TFEC: variants seen among roughly 807,000 people sequenced by gnomAD.
TFEC encodes class E basic helix-loop-helix protein 34.
Under a neutral mutation model 41.6 loss-of-function variants are expected in TFEC, and 31 were observed. The observed-to-expected ratio is 0.74, with a 90% CI of 0.56 to 1.01. The LOEUF is 1.01. Ranked by LOEUF, TFEC falls within the 50% of genes least tolerant of loss-of-function variation. The pLI, the probability that TFEC is intolerant of heterozygous loss-of-function variation, is 0.00. For missense variants in TFEC, 402 were observed against 404.1 expected (o/e 0.99, Z 0.04); for synonymous variants, 143 against 140.6 (o/e 1.02, Z -0.12).
intron 6 of TFEC, among the ~76,000 whole-genome samples, chr7:115,945,625 T>C (rs1791490758): frequency 6.6e-6 from 1 of 151,810 alleles, no homozygotes; most frequent in Admixed American, 6.6e-5. Flanking sequence ...CAACATCTAA[T>C]TAATGTGTTT....
chr7:116,140,324 C>G (rs542957854), intron 1 of TFEC, among the ~76,000 whole-genome samples: 3 of 152,160 alleles, frequency 2.0e-5, no homozygotes, highest in African/African-American at 7.2e-5. Context: ...ACATTCTTCA[C>G]GCAAGAATAG....
rs1165031741 is a variant in TFEC, at chr7:115,971,416, G to C, written c.267+2754C>G. ...ATCCATAGGCAAAATAATTCTCCAG[G>C]GGCATATAAGCAGCATTTCTTTCCA... On this transcript the variant is annotated intron_variant, in intron 3 of 7. Coordinates refer to ENST00000265440, the MANE Select transcript of TFEC (RefSeq NM_012252.4). 4.6e-5 allele frequency among the ~76,000 whole-genome samples: 7 copies of C among 151,464 alleles called. No homozygotes were observed. In the South Asian group the frequency reaches 6.2e-4, roughly 14 times the overall value.
intron 3 of TFEC, among the ~76,000 whole-genome samples, chr7:116,064,629 G>C (rs1796650612): frequency 6.6e-6 from 1 of 151,956 alleles, no homozygotes; most frequent in African/African-American, 2.4e-5. Flanking sequence ...CGGGTTGATA[G>C]GTGCAGTAAA....
intron 3 of TFEC, among the ~76,000 whole-genome samples, chr7:116,099,557 A>G (rs1473550382): frequency 2.0e-5 from 3 of 152,228 alleles, no homozygotes; most frequent in Non-Finnish European, 4.4e-5. Flanking sequence ...TTAGATCCAC[A>G]TATGAAGAAG....
At chr7:116,133,312 G>T (rs2116330369) in intron 1 of TFEC, among the ~76,000 whole-genome samples, 1 of 152,258 alleles carries the variant, frequency 6.6e-6, no homozygotes, top group Non-Finnish European at 1.5e-5. Context: ...CACTTTGGGG[G>T]GCCAAGGCAG....
chr7:115,969,635 T>C (rs58235094), intron 3 of TFEC, among the ~76,000 whole-genome samples: 5,537 of 152,040 alleles, frequency 0.036, 330 homozygotes, highest in African/African-American at 0.12. Context: ...ATTCCGAATA[T>C]TTCAGAAAGT....
chr7:116,142,467 T>G (rs1333940085), intron 1 of TFEC, among the ~76,000 whole-genome samples: 1 of 152,168 alleles, frequency 6.6e-6, no homozygotes, highest in Non-Finnish European at 1.5e-5. Flanking sequence ...CCCACCGCAT[T>G]TGCAACAATT....
At chr7:116,117,928 C>T (rs1405100431) in intron 1 of TFEC, among the ~76,000 whole-genome samples, 1 of 151,712 alleles carries the variant, frequency 6.6e-6, no homozygotes, top group East Asian at 1.9e-4. Flanking sequence ...TTCAAAATGC[C>T]CCAAGGCACT....
At chr7:116,096,784 AT>A (rs1423356982) in intron 3 of TFEC, among the ~76,000 whole-genome samples, 1 of 152,216 alleles carries the variant, frequency 6.6e-6, no homozygotes, top group Non-Finnish European at 1.5e-5. Context: ...ACAAACTAAT[AT>A]TATAAATAGA....
At chr7:116,032,079 G>A (rs570199711), upstream of TFEC, among the ~76,000 whole-genome samples, 169 of 152,106 alleles carry the variant, frequency 1.1e-3, no homozygotes, top group African/African-American at 3.3e-3. Context: ...ATACATTTGC[G>A]AGCTTCAGAA....
chr7:115,952,658 T>G (rs572330126), intron 5 of TFEC, among the ~76,000 whole-genome samples: 1 of 152,238 alleles, frequency 6.6e-6, no homozygotes, highest in East Asian at 1.9e-4. Context: ...ATGAGAAATC[T>G]GGCTCCCAAT....
chr7:116,049,809 C>A (rs1033030529), intron 3 of TFEC, among the ~76,000 whole-genome samples: 7 of 152,164 alleles, frequency 4.6e-5, no homozygotes, highest in Non-Finnish European at 8.8e-5. Flanking sequence ...CAAACTAGAA[C>A]TCAGGATTAA....
intron 1 of TFEC, among the ~76,000 whole-genome samples, chr7:115,994,003 C>T (rs985786356): frequency 5.9e-5 from 9 of 152,166 alleles, no homozygotes; most frequent in African/African-American, 2.2e-4. Flanking sequence ...GGTACCAAAA[C>T]AGAGATATAG....
At chr7:116,097,121 A>G (rs1797483378) in intron 3 of TFEC, among the ~76,000 whole-genome samples, 1 of 151,970 alleles carries the variant, frequency 6.6e-6, no homozygotes, top group Non-Finnish European at 1.5e-5. Context: ...AAGAAAAAAG[A>G]AAGTGGGCAG....
At chr7:116,055,599 T>C (rs532308482) in intron 3 of TFEC, among the ~76,000 whole-genome samples, 1 of 152,182 alleles carries the variant, frequency 6.6e-6, no homozygotes, top group Admixed American at 6.5e-5. Context: ...AATATTTTGA[T>C]AGATATTTCA....
At chr7:116,094,477 G>A (rs565371471) in intron 3 of TFEC, among the ~76,000 whole-genome samples, 2 of 151,716 alleles carry the variant, frequency 1.3e-5, no homozygotes, top group South Asian at 2.1e-4. Flanking sequence ...TCAGGAGATC[G>A]AGACCATCCT....
chr7:115,998,244 T>TGA (rs1794445136), intron 1 of TFEC, among the ~76,000 whole-genome samples: 1 of 152,060 alleles, frequency 6.6e-6, no homozygotes, highest in African/African-American at 2.4e-5. Flanking sequence ...TAAGTTGTCA[T>TGA]CAACTTACCT....
intron 1 of TFEC, among the ~76,000 whole-genome samples, chr7:116,122,209 T>C (rs551755225): frequency 3.0e-4 from 45 of 152,250 alleles, no homozygotes; most frequent in African/African-American, 9.9e-4. Flanking sequence ...GTTAATTACA[T>C]GTTACTGTGA....
chr7:115,994,484 T>G (rs1290325902), intron 1 of TFEC, among the ~76,000 whole-genome samples: 1 of 152,158 alleles, frequency 6.6e-6, no homozygotes, highest in Admixed American at 6.5e-5. Flanking sequence ...ATCTAGAATC[T>G]ACAAAGAACT....
Sources: allele counts gnomAD v4.1 joint callset (sites outside exome capture counted in the v4.1 genomes callset), GRCh38; gene constraint gnomAD v4.1.1; transcripts MANE v1.5; gene names NCBI Gene and HGNC (gene_info 2026-07-23, HGNC 2026-07-21).